The following COP1 variants were observed in gnomAD, a reference collection of about 807,000 sequenced individuals.
The protein encoded by COP1 is COP1 E3 ubiquitin ligase, also known as E3 ubiquitin-protein ligase COP1.
Under a neutral mutation model 101.3 loss-of-function variants are expected in COP1, and 24 were observed. The observed-to-expected ratio is 0.24, with a 90% CI of 0.17 to 0.33. COP1 has a LOEUF of 0.33. Ranked by LOEUF, COP1 falls within the 10% of genes least tolerant of loss-of-function variation. The pLI is 1.00. For synonymous variants in COP1, 347 were observed against 341.9 expected (o/e 1.01, Z -0.17); for missense variants, 663 against 906.2 (o/e 0.73, Z 3.45).
At chr1:176,001,385 T>C (rs1435892299) in intron 15 of COP1, among the ~76,000 whole-genome samples, 7 of 152,132 alleles carry the variant, frequency 4.6e-5, no homozygotes, top group Non-Finnish European at 1.0e-4. Context: ...TTGAGTATAG[T>C]AATTCTCTGT....
intron 8 of COP1, chr1:176,133,738 C>CA (rs941600437): frequency 2.7e-5 from 10 of 370,724 alleles, no homozygotes; most frequent in South Asian, 4.1e-5. Context: ...ACAATATATA[C>CA]AAAAAAAATT....
chr1:176,202,817 T>C (rs779423558), intron 1 of COP1, among the ~76,000 whole-genome samples: 12 of 151,998 alleles, frequency 7.9e-5, no homozygotes, highest in Non-Finnish European at 1.6e-4. Context: ...GCCATGGCAC[T>C]AAGAAAAAGG....
At chr1:175,996,933 A>G (rs956857828) in intron 15 of COP1, among the ~76,000 whole-genome samples, 3 of 151,834 alleles carry the variant, frequency 2.0e-5, no homozygotes, top group Admixed American at 6.6e-5. Flanking sequence ...AAGAGCCCAC[A>G]TCGCCAAGTC....
intron 15 of COP1, among the ~76,000 whole-genome samples, chr1:176,001,023 T>A (rs907236183): frequency 3.3e-5 from 5 of 152,126 alleles, no homozygotes; most frequent in Admixed American, 2.6e-4. Flanking sequence ...CTATGTTACA[T>A]GTTCATCAAC....
chr1:176,178,631 C>G (rs1270749907), intron 2 of COP1, among the ~76,000 whole-genome samples: 3 of 152,132 alleles, frequency 2.0e-5, no homozygotes, highest in South Asian at 4.1e-4. Context: ...GCCGGCAGAT[C>G]ACCTGAGGTC....
intron 15 of COP1, among the ~76,000 whole-genome samples, chr1:176,019,194 GTGGT>G (rs1218098187): frequency 2.0e-5 from 3 of 150,576 alleles, no homozygotes; most frequent in African/African-American, 7.3e-5. Context: ...GCCGGGTGTG[GTGGT>G]TCACACCTGT....
chr1:176,136,800 TA>T (rs1330658421), intron 6 of COP1, among the ~76,000 whole-genome samples: 1 of 152,146 alleles, frequency 6.6e-6, no homozygotes, highest in African/African-American at 2.4e-5. Flanking sequence ...GATTTTACAA[TA>T]AAAGTATGAG....
chr1:176,126,151 A>T (rs1197099335), intron 8 of COP1, among the ~76,000 whole-genome samples: 1 of 152,204 alleles, frequency 6.6e-6, no homozygotes, highest in Non-Finnish European at 1.5e-5. Flanking sequence ...ATATAAGATC[A>T]CATCATCTGT....
intron 1 of COP1, among the ~76,000 whole-genome samples, chr1:176,195,079 C>G (rs1699513555): frequency 1.3e-5 from 2 of 148,380 alleles, no homozygotes; most frequent in Non-Finnish European, 3.0e-5. Context: ...AGAGTGAGAC[C>G]CTGTCTCAAA....
Position 176,078,878 on chromosome 1 carries a change from G to A in COP1, c.1277+2274C>T, listed in dbSNP as rs1334431783. On this transcript the variant is annotated intron_variant, in intron 11 of 19. Coordinates refer to ENST00000367669, the MANE Select transcript of COP1 (RefSeq NM_022457.7). ...AAGAAGACATACAAGTCGCCAACAA[G>A]CATATGAAAAAACACTCAGCATCAC... 2.0e-5 allele frequency among the ~76,000 whole-genome samples: 3 copies of A among 151,880 alleles called. No homozygotes were observed. The South Asian group carries it at 6.2e-4, about 31-fold the overall frequency.
intron 1 of COP1, among the ~76,000 whole-genome samples, chr1:176,198,618 A>G (rs1339720890): frequency 6.6e-6 from 1 of 152,130 alleles, no homozygotes; most frequent in Non-Finnish European, 1.5e-5. Flanking sequence ...AACTTTATCG[A>G]TACATTAGAA....
intron 15 of COP1, among the ~76,000 whole-genome samples, chr1:176,009,274 A>C (rs574322413): frequency 1.3e-5 from 2 of 152,348 alleles, no homozygotes; most frequent in South Asian, 2.1e-4. Context: ...GTATTTTCCC[A>C]TGGAGATTTT....
intron 15 of COP1, among the ~76,000 whole-genome samples, chr1:176,004,364 C>T (rs1662552418): frequency 1.5e-5 from 2 of 134,548 alleles, no homozygotes; most frequent in South Asian, 5.4e-4. Flanking sequence ...GCCTAATTGC[C>T]CTGGCCAGAA....
chr1:176,160,568 T>C (rs1694169826), intron 5 of COP1, among the ~76,000 whole-genome samples: 1 of 151,538 alleles, frequency 6.6e-6, no homozygotes, highest in South Asian at 2.1e-4. Flanking sequence ...TTTGAACAAA[T>C]TTACAGGAAA....
intron 6 of COP1, 38 bp from the exon 7 acceptor site, chr1:176,136,585 AAGCCT>A: frequency 1.9e-5 from 28 of 1,437,268 alleles, no homozygotes; most frequent in Non-Finnish European, 2.6e-5. Context: ...AAAAAAAAAA[AAGCCT>A]AAGCCAAACC....
intron 11 of COP1, among the ~76,000 whole-genome samples, chr1:176,055,671 G>A (rs551411573): frequency 8.5e-5 from 13 of 152,208 alleles, no homozygotes; most frequent in African/African-American, 2.2e-4. Flanking sequence ...TAGTTAACCC[G>A]TCCAAAATTG....
chr1:176,167,284 TA>T (rs1435854963), intron 3 of COP1, among the ~76,000 whole-genome samples: 2 of 152,172 alleles, frequency 1.3e-5, no homozygotes, highest in South Asian at 2.1e-4. Flanking sequence ...AAGCAATGCT[TA>T]CCTATTAGCA....
At chr1:176,102,540 T>C (rs1683594201) in intron 9 of COP1, among the ~76,000 whole-genome samples, 1 of 152,196 alleles carries the variant, frequency 6.6e-6, no homozygotes, top group African/African-American at 2.4e-5. Context: ...GCTGTCCTTT[T>C]TCATTCCTGG....
At chr1:176,149,581 G>C (rs796933) in intron 5 of COP1, among the ~76,000 whole-genome samples, 20,778 of 152,102 alleles carry the variant, frequency 0.14, 3,492 homozygotes, top group African/African-American at 0.4. Flanking sequence ...TTCTATGGAA[G>C]ATTTCAGGCA....
Sources: allele counts gnomAD v4.1 joint callset (sites outside exome capture counted in the v4.1 genomes callset), GRCh38; gene constraint gnomAD v4.1.1; transcripts MANE v1.5; gene names NCBI Gene and HGNC (gene_info 2026-07-23, HGNC 2026-07-21).